The following FAN1 variants were observed in gnomAD, a reference collection of about 807,000 sequenced individuals.
FAN1 encodes FANCD2 and FANCI associated nuclease 1, also known as fanconi-associated nuclease 1.
FAN1 carries 91 observed loss-of-function variants against 104.9 expected under a neutral mutation model. The ratio of observed to expected loss-of-function variants is 0.87; its 90% CI spans 0.73 to 1.03. FAN1 has a LOEUF of 1.03. Ranked by LOEUF, FAN1 falls within the 50% of genes least tolerant of loss-of-function variation. FAN1 has a pLI of 0.00. For missense variants in FAN1, 1,263 were observed against 1,239.9 expected (o/e 1.02, Z -0.28); for synonymous variants, 478 against 457.6 (o/e 1.04, Z -0.57).
intron 6 of FAN1, among the ~76,000 whole-genome samples, chr15:30,919,562 G>C (rs571171946): frequency 6.6e-6 from 1 of 151,098 alleles, no homozygotes; most frequent in Non-Finnish European, 1.5e-5. Context: ...GTTGTGACGA[G>C]TGTCTGTAAT....
intron 3 of FAN1, among the ~76,000 whole-genome samples, chr15:30,910,066 T>C (rs2062064497): frequency 1.3e-5 from 2 of 152,212 alleles, no homozygotes; most frequent in South Asian, 4.1e-4. Context: ...AAATATTTGC[T>C]GAATGGAGGA....
At chr15:30,941,244 A>AGAGCCAGACCTGTAATGACAGAACGT (rs1423579880) in intron 14 of FAN1, 3 of 1,445,116 alleles carry the variant, frequency 2.1e-6, no homozygotes, top group Non-Finnish European at 2.8e-6. Context: ...CACGGTTACA[A>AGAGCCAGACCTGTAATGACAGAACGT]GAGCCAGACC....
chr15:30,908,644 G>A (rs1281875641), intron 3 of FAN1, among the ~76,000 whole-genome samples: 2 of 152,090 alleles, frequency 1.3e-5, no homozygotes, highest in Admixed American at 6.6e-5. Flanking sequence ...TTGGGGGTTC[G>A]AGACCAGCCT....
intron 6 of FAN1, among the ~76,000 whole-genome samples, 175 bp from the exon 7 acceptor site, chr15:30,920,370 G>A (rs984803513): frequency 6.6e-6 from 1 of 152,232 alleles, no homozygotes; most frequent in African/African-American, 2.4e-5. Flanking sequence ...GACCTAGGAC[G>A]TGGTAGCTGG....
In FAN1 at chr15:30,911,067, G is replaced by C. The variant is rs987780463; in HGVS notation, c.1577+252G>C. On this transcript the variant is annotated intron_variant, in intron 4 of 14. Coordinates refer to ENST00000362065, the MANE Select transcript of FAN1 (RefSeq NM_014967.5). Reference sequence around the variant, plus strand: ...GGCAATAGGCCTTTGGTAAATTGTAGTATTTTATTTTCCGAGAAAAATACA... The same window carrying C: ...GGCAATAGGCCTTTGGTAAATTGTACTATTTTATTTTCCGAGAAAAATACA... 6 of 1,223,884 alleles carry C rather than the reference G, an allele frequency of 4.9e-6. No individual in the cohort carries two copies. In the African/African-American group the frequency reaches 9.3e-5, roughly 19 times the overall value. The allele number at this position is 1,223,884 out of a possible 1,614,324, so 75.8% of individuals were successfully genotyped here.
Position 30,942,841 on chromosome 15 carries a change from TGTTTG to T in FAN1, c.*1283_*1287del. The T allele has an allele frequency of 1.3e-6, 2 of 1,482,300 alleles. No homozygotes were observed. The highest frequency in any genetic ancestry group is 1.8e-6 in the Non-Finnish European group (2 of 1,099,880). The allele number at this position is 1,482,300 out of a possible 1,614,324, so 91.8% of individuals were successfully genotyped here. A position where few individuals can be genotyped will look rare whatever the true frequency, so the allele number is the denominator to read the frequency against. On this transcript the variant is annotated 3_prime_UTR_variant, in exon 15 of 15. Coordinates refer to ENST00000362065, the MANE Select transcript of FAN1 (RefSeq NM_014967.5). ...AACGCTCTCTGTTCTGAAAAAGAGG[TGTTTG>T]GTTACGTGTGAGCCAACATCACGTT...
At chr15:30,936,833 T>G (rs751263433) in intron 13 of FAN1, among the ~76,000 whole-genome samples, 8 of 150,928 alleles carry the variant, frequency 5.3e-5, no homozygotes, top group Non-Finnish European at 7.4e-5. Context: ...CTGGGAGCTG[T>G]GGCTCACTGC....
intron 12 of FAN1, 89 bp from the exon 13 acceptor site, chr15:30,930,454 T>G: frequency 1.6e-5 from 23 of 1,463,632 alleles, no homozygotes; most frequent in Non-Finnish European, 1.8e-5. Flanking sequence ...ACATATACAC[T>G]GAGCTTTTCT....
chr15:30,904,465 C>T, intron 1 of FAN1, 47 bp from the exon 2 acceptor site: 1 of 685,326 alleles, frequency 1.5e-6, no homozygotes, highest in South Asian at 1.6e-5. Flanking sequence ...TTTCCCCTTG[C>T]TGAATTCATA....
chr15:30,913,958 G>A lies in FAN1; in HGVS notation c.1678G>A (p.Asp560Asn). Reference sequence around the variant, plus strand: ...GTTTTCGTTGACCGACTCAATGGAAGATGAAGACGCCGCTTGTGGAGGTCA... The same window carrying A: ...GTTTTCGTTGACCGACTCAATGGAAAATGAAGACGCCGCTTGTGGAGGTCA... ...LLFSLTDSME[D>N]EDAACGGQGQ... The change falls in exon 5 of 15, where the codon GAT (aspartate) becomes AAT (asparagine). Residue 560 changes from aspartate (D) to asparagine (N), a missense_variant. Asp to Asn is a conservative substitution (Grantham distance 23, BLOSUM62 1). Coordinates refer to ENST00000362065, the MANE Select transcript of FAN1 (RefSeq NM_014967.5). 2.5e-6 allele frequency: 4 copies of A among 1,614,210 alleles called. No individual in the cohort carries two copies.
intron 9 of FAN1, among the ~76,000 whole-genome samples, chr15:30,925,553 G>A (rs1035406710): frequency 6.6e-6 from 1 of 152,178 alleles, no homozygotes; most frequent in Non-Finnish European, 1.5e-5. Flanking sequence ...CATCTGCCCC[G>A]GTTTCATTTA....
intron 13 of FAN1, among the ~76,000 whole-genome samples, chr15:30,932,844 C>G (rs2062751868): frequency 6.6e-6 from 1 of 150,564 alleles, no homozygotes; most frequent in Admixed American, 6.6e-5. Flanking sequence ...TCCCTAGTAG[C>G]TGGGATTACA....
chr15:30,914,150 GTTT>G (rs1489908585), intron 5 of FAN1, 59 bp downstream of exon 5: 3 of 1,300,874 alleles, frequency 2.3e-6, no homozygotes, highest in Non-Finnish European at 3.2e-6. Context: ...TTAGTAAAAG[GTTT>G]TGTTATTTTT....
At chr15:30,930,731 C>T (rs911026194) in intron 13 of FAN1, 60 bp downstream of exon 13, 21 of 1,583,114 alleles carry the variant, frequency 1.3e-5, no homozygotes, top group African/African-American at 9.5e-5. Context: ...GAATCAGAGG[C>T]CACAAGTAGG....
intron 5 of FAN1, among the ~76,000 whole-genome samples, chr15:30,917,931 T>A (rs2140920730): frequency 6.6e-6 from 1 of 152,364 alleles, no homozygotes; most frequent in East Asian, 1.9e-4. Flanking sequence ...ATGGAACATG[T>A]TATGTGATAA....
chr15:30,905,679 C>A lies in FAN1; in HGVS notation c.1016C>A (p.Ala339Asp), dbSNP rs773590384. The part of the protein sequence containing the change: ...DASAWSNIQE[A>D]PLQDDSCLNN... ...TCTGCATGGAGTAACATCCAAGAGG[C>A]TCCTCTGCAGGATGACAGTTGCTTA... The change falls in exon 2 of 15, where the codon GCT (alanine) becomes GAT (aspartate). Residue 339 changes from alanine (A) to aspartate (D), a missense_variant. By Grantham distance (126) the Ala-to-Asp change is moderately radical. Around this residue, in one of 2 missense-constraint regions of FAN1, gnomAD observed 682 missense variants for 571.1 expected, o/e 1.19. Coordinates refer to ENST00000362065, the MANE Select transcript of FAN1 (RefSeq NM_014967.5). 6.2e-7 allele frequency: 1 copy of A among 1,614,068 alleles called. No homozygotes were observed. The highest frequency in any genetic ancestry group is 1.7e-5 in the Admixed American group (1 of 60,020).
chr15:30,929,816 ATAT>A lies in FAN1; in HGVS notation c.2787+423_2787+425del, dbSNP rs1280769276. ...TAATATAATATATAAAATATATAATATATTATATCATATATAATATAATATATA... is the reference window on the plus strand; with the variant it reads ...TAATATAATATATAAAATATATAATATATATCATATATAATATAATATATA... On this transcript the variant is annotated intron_variant, in intron 12 of 14. Transcript: ENST00000362065. Among the ~76,000 whole-genome samples the A allele has an allele frequency of 2.5e-3, 113 of 45,822 alleles. 10 individuals carry two copies. Among genetic ancestry groups the A allele is most frequent in the Admixed American group, 3.1e-3 (8 of 2,578 alleles). The allele number at this position is 45,822 out of a possible 152,430, so 30.1% of individuals were successfully genotyped here. A position where few individuals can be genotyped will look rare whatever the true frequency, so the allele number is the denominator to read the frequency against.
In FAN1 at chr15:30,905,491, G is replaced by A. The variant is rs1393460263; in HGVS notation, c.828G>A (p.Lys276=). Reference sequence around the variant, plus strand: ...ATTTCACTCTTAGGAATACATTAAAGTCTACTTCAGAAGACAGTCTTGTAA... The same window carrying A: ...ATTTCACTCTTAGGAATACATTAAAATCTACTTCAGAAGACAGTCTTGTAA... ...SPDFTLRNTL[K]STSEDSLVKQ... Residue 276 remains lysine (K), a synonymous_variant, in exon 2 of 15, where the codon AAG becomes AAA. Transcript: ENST00000362065. 3 of 1,614,096 alleles carry A rather than the reference G, an allele frequency of 1.9e-6. No homozygotes were observed. The highest frequency in any genetic ancestry group is 1.7e-5 in the Admixed American group (1 of 60,022).
intron 13 of FAN1, 147 bp downstream of exon 13, chr15:30,930,818 G>A (rs2062690446): frequency 3.1e-6 from 3 of 955,182 alleles, no homozygotes; most frequent in Admixed American, 2.4e-5. Context: ...CTGTGGGCCT[G>A]TCCCCTGCGA....
Sources: gnomAD v4.1 joint callset for allele counts (sites outside exome capture counted in the v4.1 genomes callset) on GRCh38, gnomAD v4.1.1 for gene constraint, gnomAD v4.1.1 regional missense constraint, MANE v1.5 for transcripts, NCBI Gene and HGNC (gene_info 2026-07-23, HGNC 2026-07-21) for gene names.